Variants in ANKRD36 observed in about 807,000 individuals in gnomAD.
ANKRD36 encodes the protein ankyrin repeat domain-containing protein 36A.
In ANKRD36, 179 loss-of-function variants were observed where a neutral mutation model predicts 278.1. The ratio of observed to expected loss-of-function variants is 0.64; its 90% CI spans 0.57 to 0.73. The LOEUF (loss-of-function observed/expected upper bound fraction) is 0.73, where lower values mean the gene tolerates loss of function less well. Among genes scored for constraint, ANKRD36 ranks in the 30% least tolerant of loss-of-function variants. The pLI is 0.00. For missense variants in ANKRD36, 1,159 were observed against 1,956.7 expected, an observed-to-expected ratio of 0.59 and a Z score of 7.69; for synonymous variants, 320 against 641.1, an observed-to-expected ratio of 0.50 and a Z score of 7.57.
intron 26 of ANKRD36, among the ~76,000 whole-genome samples, chr2:97,183,188 A>G (rs569464128): frequency 6.6e-6 from 1 of 151,828 alleles, no homozygotes; most frequent in African/African-American, 2.4e-5. Context: ...CGGCATATCC[A>G]CATTGATATT....
chr2:97,124,817 C>G (rs984764903), intron 5 of ANKRD36, among the ~76,000 whole-genome samples: 6 of 151,878 alleles, frequency 4.0e-5, no homozygotes, highest in African/African-American at 1.4e-4. Context: ...GCAGTAGGTG[C>G]AAGATTCTTG....
chr2:97,139,696 A>G (rs1306472321), intron 6 of ANKRD36, among the ~76,000 whole-genome samples: 1 of 152,088 alleles, frequency 6.6e-6, no homozygotes, highest in Non-Finnish European at 1.5e-5. Context: ...CCTAGCAAGC[A>G]TAGCTGTATC....
At position 97,211,700 on chromosome 2, in the gene ANKRD36, A is replaced by G. The variant is rs1411624614; in HGVS notation, c.3428A>G (p.Asn1143Ser). 2 of 1,595,058 alleles carry G rather than the reference A, an allele frequency of 1.3e-6. No homozygotes were observed. Among genetic ancestry groups the G allele is most frequent in the Non-Finnish European group, 1.7e-6 (2 of 1,171,974 alleles). ...TGTGACAAGGAAGATTCTGTTCCGA[A>G]TATGGCCACGGAAAAAAAGGATGAA... ...AICDKEDSVP[N>S]MATEKKDEQI... Residue 1143 changes from asparagine (N) to serine (S), a missense_variant, in exon 58 of 76, where the codon AAT (asparagine) becomes AGT (serine). Physicochemically the swap from Asn to Ser is conservative, Grantham distance 46 (BLOSUM62 1). Transcript: ENST00000420699.
At position 97,183,455 on chromosome 2, in the gene ANKRD36, T is replaced by C; in HGVS notation, c.1838-4T>C. On this transcript the variant is annotated splice_region_variant and splice_polypyrimidine_tract_variant and intron_variant, in intron 26 of 75. Coordinates refer to ENST00000420699, the MANE Select transcript of ANKRD36 (RefSeq NM_001354587.1). ...ATGGATTATATATTTCTTTTACTTT[T>C]CAGTGTCTCCTCAGAAACAATCGGC... is the stretch of plus-strand genomic sequence containing the variant. 6.4e-7 allele frequency: 1 copy of C among 1,558,164 alleles called. No homozygotes were observed.
intron 18 of ANKRD36, chr2:97,163,397 T>C (rs1297297613): frequency 5.7e-6 from 2 of 351,478 alleles, no homozygotes; most frequent in Non-Finnish European, 1.1e-5. Flanking sequence ...TACTTTTTTT[T>C]TTGCATAAGT....
intron 17 of ANKRD36, among the ~76,000 whole-genome samples, chr2:97,161,438 C>T (rs2048855480): frequency 6.6e-6 from 1 of 151,972 alleles, no homozygotes; most frequent in African/African-American, 2.4e-5. Context: ...TACTGTAATA[C>T]ACTGTCTGCC....
chr2:97,153,601 T>C (rs1283772071), intron 14 of ANKRD36, among the ~76,000 whole-genome samples: 4 of 147,242 alleles, frequency 2.7e-5, no homozygotes, highest in African/African-American at 7.2e-5. Context: ...TGCACTCAGG[T>C]TTCTTAGTTC....
chr2:97,198,141 A>C (rs2060314345), intron 42 of ANKRD36, among the ~76,000 whole-genome samples: 1 of 151,922 alleles, frequency 6.6e-6, no homozygotes, highest in Non-Finnish European at 1.5e-5. Context: ...TCTCAGGTGC[A>C]TGAGTTGCCC....
chr2:97,177,906 GA>G (rs1293487470), intron 22 of ANKRD36, among the ~76,000 whole-genome samples: 1 of 150,914 alleles, frequency 6.6e-6, no homozygotes, highest in Non-Finnish European at 1.5e-5. Flanking sequence ...CAAAATGGGA[GA>G]AAATTTTTGC....
rs1191281842 is a variant in ANKRD36, at chr2:97,159,922, T to C, written c.1389+1267T>C. ...TCAGCCTCGCGAGTAGCTGGGACTATAGGCGCCCGCCATCACGCCCGGCTA... is the reference window on the plus strand; with the variant it reads ...TCAGCCTCGCGAGTAGCTGGGACTACAGGCGCCCGCCATCACGCCCGGCTA... On this transcript the variant is annotated intron_variant, in intron 17 of 75. Transcript: ENST00000420699. 2.6e-5 allele frequency among the ~76,000 whole-genome samples: 4 copies of C among 152,038 alleles called. No individual in the cohort carries two copies. The South Asian group carries it at 8.3e-4, about 32-fold the overall frequency.
chr2:97,152,611 A>G (rs58438329), intron 14 of ANKRD36, 77 bp downstream of exon 14: 818,865 of 1,240,538 alleles, frequency 0.66, 306,794 homozygotes, highest in Non-Finnish European at 0.74. Context: ...TTTGTTTAGT[A>G]TTCTACTCTG....
At chr2:97,115,126 G>A (rs902947988) in intron 1 of ANKRD36, among the ~76,000 whole-genome samples, 7 of 152,088 alleles carry the variant, frequency 4.6e-5, no homozygotes, top group Admixed American at 4.6e-4. Context: ...GGCGAAAGCC[G>A]CAATTGCCTT....
At chr2:97,159,640 G>A (rs1214479448) in intron 17 of ANKRD36, among the ~76,000 whole-genome samples, 1 of 151,202 alleles carries the variant, frequency 6.6e-6, no homozygotes, top group African/African-American at 2.4e-5. Flanking sequence ...CTCCTAAGTT[G>A]CTTAACTAAT....
chr2:97,158,513 C>T, intron 16 of ANKRD36, 75 bp from the exon 17 acceptor site: 3 of 1,473,358 alleles, frequency 2.0e-6, no homozygotes, highest in African/African-American at 1.4e-5. Context: ...AGCTGTGAGC[C>T]CCCACACCCG....
chr2:97,215,985 A>G (rs1408660217), intron 62 of ANKRD36, among the ~76,000 whole-genome samples: 1 of 151,992 alleles, frequency 6.6e-6, no homozygotes, highest in East Asian at 2.0e-4. Context: ...GAGAGAAAAG[A>G]AGAAGTTATT....
chr2:97,175,837 T>C lies in ANKRD36; in HGVS notation c.1634-3901T>C, dbSNP rs1199096644. Among the ~76,000 whole-genome samples, 7 of 151,242 alleles carry C rather than the reference T, an allele frequency of 4.6e-5. No individual in the cohort carries two copies. The East Asian group carries it at 5.8e-4, about 13-fold the overall frequency. ...CTGGTATGTTGTGTCTTTGTTCTCA[T>C]TGGTTTCAAAGAACATCTTTATTTC... On this transcript the variant is annotated intron_variant, in intron 22 of 75. Coordinates refer to ENST00000420699, the MANE Select transcript of ANKRD36 (RefSeq NM_001354587.1).
In ANKRD36 at chr2:97,194,930, A is replaced by G; in HGVS notation, c.2551+13A>G. On this transcript the variant is annotated intron_variant, in intron 40 of 75. Coordinates refer to ENST00000420699, the MANE Select transcript of ANKRD36 (RefSeq NM_001354587.1). Reference sequence around the variant, plus strand: ...ATATCTAGGAAAGGTAATTTTGCGAAACACATTTAATGTCATGTTCAGTCC... The same window carrying G: ...ATATCTAGGAAAGGTAATTTTGCGAGACACATTTAATGTCATGTTCAGTCC... 6.5e-7 allele frequency: 1 copy of G among 1,543,216 alleles called. No individual in the cohort carries two copies. Among genetic ancestry groups the G allele is most frequent in the African/African-American group, 1.4e-5 (1 of 73,018 alleles).
At chr2:97,220,394 C>T (rs2067088879) in intron 66 of ANKRD36, among the ~76,000 whole-genome samples, 3 of 150,766 alleles carry the variant, frequency 2.0e-5, no homozygotes, top group Admixed American at 6.6e-5. Context: ...CACCCCCACA[C>T]CCTTCCTAGA....
chr2:97,190,865 G>A, intron 34 of ANKRD36, 113 bp from the exon 35 acceptor site: 1 of 1,468,928 alleles, frequency 6.8e-7, no homozygotes, highest in South Asian at 1.2e-5. Flanking sequence ...AGACATCAGA[G>A]CCTACACTAG....
Sources: gnomAD v4.1 joint callset for allele counts (sites outside exome capture counted in the v4.1 genomes callset) on GRCh38, gnomAD v4.1.1 for gene constraint, MANE v1.5 for transcripts, NCBI Gene and HGNC (gene_info 2026-07-23, HGNC 2026-07-21) for gene names.